Variants in MYT1L observed in about 807,000 individuals in gnomAD.
MYT1L encodes myelin transcription factor 1-like protein.
A neutral mutation model predicts 126.7 loss-of-function variants in MYT1L; 12 were observed. That is an observed-to-expected ratio of 0.09 (90% CI 0.06 to 0.15). MYT1L has a LOEUF of 0.15. MYT1L is among the 10% of genes least tolerant of loss of function. MYT1L has a pLI of 1.00. For missense variants in MYT1L, 979 were observed against 1,585.2 expected, an observed-to-expected ratio of 0.62 and a Z score of 6.49; for synonymous variants, 541 against 604.2, an observed-to-expected ratio of 0.90 and a Z score of 1.53.
intron 1 of MYT1L, among the ~76,000 whole-genome samples, chr2:2,295,402 C>G (rs926885278): frequency 6.6e-6 from 1 of 152,160 alleles, no homozygotes; most frequent in African/African-American, 2.4e-5. Flanking sequence ...TAGAGCCAGA[C>G]AGCTTTTTCT....
chr2:2,192,617 A>C (rs936976839), intron 2 of MYT1L, among the ~76,000 whole-genome samples: 1 of 152,062 alleles, frequency 6.6e-6, no homozygotes, highest in Non-Finnish European at 1.5e-5. Flanking sequence ...CTTTCTTCTC[A>C]AATGTCTGGC....
chr2:1,844,583 G>A (rs567771721), intron 19 of MYT1L, among the ~76,000 whole-genome samples: 55 of 152,276 alleles, frequency 3.6e-4, no homozygotes, highest in African/African-American at 1.3e-3. Context: ...TGTATAGGCT[G>A]TGCAGACCTG....
At chr2:2,285,652 C>T (rs1455573328) in intron 1 of MYT1L, among the ~76,000 whole-genome samples, 2 of 152,206 alleles carry the variant, frequency 1.3e-5, no homozygotes, top group African/African-American at 2.4e-5. Context: ...GTGACATGTT[C>T]CTGGTGACAG....
intron 8 of MYT1L, among the ~76,000 whole-genome samples, chr2:1,976,553 A>T (rs942109694): frequency 9.9e-5 from 15 of 152,170 alleles, no homozygotes; most frequent in African/African-American, 3.6e-4. Context: ...GAGGCATGAG[A>T]ATACCTTGAA....
chr2:1,838,272 T>C (rs1164921920), intron 21 of MYT1L, among the ~76,000 whole-genome samples: 1 of 152,186 alleles, frequency 6.6e-6, no homozygotes, highest in African/African-American at 2.4e-5. Context: ...CAGGAATTTC[T>C]TTAATAATTA....
intron 8 of MYT1L, among the ~76,000 whole-genome samples, chr2:1,969,572 C>T (rs562096362): frequency 2.0e-5 from 3 of 152,272 alleles, no homozygotes; most frequent in East Asian, 1.9e-4. Flanking sequence ...TGGGGAACCC[C>T]GGCTCTAGGA....
intron 3 of MYT1L, among the ~76,000 whole-genome samples, chr2:2,119,489 TTAAG>T (rs1198337550): frequency 6.6e-6 from 1 of 152,240 alleles, no homozygotes; most frequent in Non-Finnish European, 1.5e-5. Flanking sequence ...GACTACTGAA[TTAAG>T]TATTTGAATT....
chr2:2,129,124 T>C (rs1407374644), intron 3 of MYT1L, among the ~76,000 whole-genome samples: 1 of 152,220 alleles, frequency 6.6e-6, no homozygotes, highest in Admixed American at 6.5e-5. Context: ...AGACAGACGC[T>C]AATCCACAAA....
chr2:1,924,146 T>C (rs1332826137), intron 9 of MYT1L, among the ~76,000 whole-genome samples: 1 of 152,190 alleles, frequency 6.6e-6, no homozygotes, highest in Non-Finnish European at 1.5e-5. Context: ...GTAAGTGTCA[T>C]GCTTAATCTC....
rs78305207 is a variant in MYT1L, at chr2:1,917,871, C to T, written c.1484-532G>A. On this transcript the variant is annotated intron_variant, in intron 10 of 24. Transcript: ENST00000647738. The surrounding 1 kb of genome is among the most constrained non-coding windows in gnomAD (Gnocchi z 5.9). ...CTCCGGAGGTCAAGTGACATTGTTTCGTAGCACACCAATTCAGCGCTTTTC... is the reference window on the plus strand; with the variant it reads ...CTCCGGAGGTCAAGTGACATTGTTTTGTAGCACACCAATTCAGCGCTTTTC... Among the ~76,000 whole-genome samples the T allele has an allele frequency of 0.014, 2,060 of 152,276 alleles. 53 individuals carry two copies. The highest frequency in any genetic ancestry group is 0.047 in the African/African-American group (1,941 of 41,546).
intron 3 of MYT1L, among the ~76,000 whole-genome samples, chr2:2,085,442 C>G (rs2076260682): frequency 6.6e-6 from 1 of 152,156 alleles, no homozygotes; most frequent in African/African-American, 2.4e-5. Context: ...AGACTTGCTT[C>G]AAATGCACCC....
chr2:1,837,303 G>A (rs1375560155), intron 21 of MYT1L, among the ~76,000 whole-genome samples: 1 of 152,212 alleles, frequency 6.6e-6, no homozygotes, highest in Non-Finnish European at 1.5e-5. Flanking sequence ...TGCCGTCCCT[G>A]GAGTGCAGAA....
At chr2:2,080,997 G>A (rs966721658) in intron 3 of MYT1L, among the ~76,000 whole-genome samples, 2 of 152,202 alleles carry the variant, frequency 1.3e-5, no homozygotes, top group South Asian at 2.1e-4. Context: ...ACTGTCAAGG[G>A]CTGCTGGGAG....
chr2:2,171,424 C>T (rs1045082533), intron 3 of MYT1L, among the ~76,000 whole-genome samples: 4 of 152,158 alleles, frequency 2.6e-5, no homozygotes, highest in Non-Finnish European at 4.4e-5. Flanking sequence ...TTCAACAAAG[C>T]CACATGTAAA....
intron 14 of MYT1L, 133 bp from the exon 15 acceptor site, chr2:1,892,420 T>TA (rs2049011363): frequency 6.5e-6 from 8 of 1,229,116 alleles, no homozygotes; most frequent in Non-Finnish European, 7.6e-6. Flanking sequence ...TGCTGGGGCT[T>TA]ACGCGTAAAG....
chr2:2,254,797 C>T (rs1157822383), intron 2 of MYT1L, among the ~76,000 whole-genome samples: 1 of 152,184 alleles, frequency 6.6e-6, no homozygotes. Flanking sequence ...AGAATCACAG[C>T]TTGTCCTTCT....
In MYT1L at chr2:2,165,218, G is replaced by A. The variant is rs527411714; in HGVS notation, c.-304+7654C>T. Among the ~76,000 whole-genome samples the A allele has an allele frequency of 5.3e-5, 8 of 152,254 alleles. No individual in the cohort carries two copies. In the South Asian group the frequency reaches 1.7e-3, roughly 32 times the overall value. On this transcript the variant is annotated intron_variant, in intron 3 of 24. Coordinates refer to ENST00000647738, the MANE Select transcript of MYT1L (RefSeq NM_001303052.2). ...GTTTAAAGTATGTCTGTAAGGAAAT[G>A]GATGCAGTAAGGTTACTTTGCAACT... is the stretch of plus-strand genomic sequence containing the variant.
Position 2,261,305 on chromosome 2 carries a change from ATTG to A in MYT1L, c.-421+23096_-421+23098del, listed in dbSNP as rs1213167679. On this transcript the variant is annotated intron_variant, in intron 2 of 24. Transcript: ENST00000647738. ...GCACTTATACACTATGTCTTTTGAT[ATTG>A]TTGTTCAGTTGCATTATAAATCTGA... 3.4e-4 allele frequency among the ~76,000 whole-genome samples: 52 copies of A among 152,342 alleles called. No individual in the cohort carries two copies. In the East Asian group the frequency reaches 6.4e-3, roughly 19 times the overall value.
At chr2:2,033,389 C>T (rs188508713) in intron 4 of MYT1L, among the ~76,000 whole-genome samples, 66 of 146,302 alleles carry the variant, frequency 4.5e-4, no homozygotes, top group East Asian at 1.4e-3. Flanking sequence ...ACATACCCCT[C>T]GCCAGTGCCT....
Sources: allele counts gnomAD v4.1 joint callset (sites outside exome capture counted in the v4.1 genomes callset), GRCh38; gene constraint gnomAD v4.1.1; non-coding constraint Gnocchi (gnomAD v3.1); transcripts MANE v1.5; gene names NCBI Gene and HGNC (gene_info 2026-07-23, HGNC 2026-07-21).